The following AFF3 variants were observed in gnomAD, a reference collection of about 807,000 sequenced individuals.
The protein encoded by AFF3 is ALF transcription elongation factor 3.
A neutral mutation model predicts 129.7 loss-of-function variants in AFF3; 32 were observed. The ratio of observed to expected loss-of-function variants is 0.25; its 90% CI spans 0.19 to 0.33. The LOEUF (loss-of-function observed/expected upper bound fraction) is 0.33, where lower values mean the gene tolerates loss of function less well. Ranked by LOEUF, AFF3 falls within the 10% of genes least tolerant of loss-of-function variation. AFF3 has a pLI of 1.00. For missense variants in AFF3, 1,373 were observed against 1,592.0 expected, an observed-to-expected ratio of 0.86 and a Z score of 2.34; for synonymous variants, 644 against 635.4, an observed-to-expected ratio of 1.01 and a Z score of -0.20.
chr2:99,825,062 C>A (rs1687969557), intron 8 of AFF3, among the ~76,000 whole-genome samples: 1 of 152,066 alleles, frequency 6.6e-6, no homozygotes, highest in Non-Finnish European at 1.5e-5. Flanking sequence ...TGCATTTTCC[C>A]AATACTTACA....
rs1188093266 is a variant in AFF3 at position 99,594,154 on chromosome 2, C to T, written c.1507G>A (p.Asp503Asn). Reference protein sequence around the residue: ...SNQYYNPVKEDVQDCGKVPDV... With the variant: ...SNQYYNPVKENVQDCGKVPDV... ...GGGACTTTCCCACAGTCCTGGACGT[C>T]CTCTTTCACCGGGTTGTAGTACTGA... is the stretch of plus-strand genomic sequence containing the variant. The change falls in exon 15 of 25, where the codon GAC becomes AAC. Residue 503 changes from aspartate (D) to asparagine (N), a missense_variant. Asp to Asn is a conservative substitution (Grantham distance 23). Coordinates refer to ENST00000672756, the MANE Select transcript of AFF3 (RefSeq NM_001386135.1). 6 of 1,613,992 alleles carry T rather than the reference C, an allele frequency of 3.7e-6. No individual in the cohort carries two copies. The highest frequency in any genetic ancestry group is 5.1e-6 in the Non-Finnish European group (6 of 1,180,012).
chr2:99,595,652 G>A (rs867389356), intron 14 of AFF3, among the ~76,000 whole-genome samples: 1 of 147,054 alleles, frequency 6.8e-6, no homozygotes, highest in Non-Finnish European at 1.5e-5. Flanking sequence ...CAACAGTGAG[G>A]CCTGTATTAA....
intron 9 of AFF3, among the ~76,000 whole-genome samples, chr2:99,750,153 AAGT>A (rs1410014597): frequency 1.3e-5 from 2 of 152,204 alleles, no homozygotes; most frequent in African/African-American, 4.8e-5. Context: ...GTTTGCAAGA[AAGT>A]AGTTGTATCA....
chr2:99,895,982 T>C (rs958070095), intron 7 of AFF3, among the ~76,000 whole-genome samples: 7 of 145,616 alleles, frequency 4.8e-5, no homozygotes, highest in African/African-American at 1.3e-4. Flanking sequence ...GGCAGGAGAA[T>C]TGCTTGAACC....
chr2:99,769,207 A>G (rs1210535366), intron 8 of AFF3, among the ~76,000 whole-genome samples: 3 of 151,766 alleles, frequency 2.0e-5, no homozygotes, highest in Admixed American at 6.6e-5. Flanking sequence ...GTCTTTGCCG[A>G]TCATACATTT....
chr2:99,726,994 C>T, intron 11 of AFF3, 83 bp downstream of exon 11: 1 of 1,208,242 alleles, frequency 8.3e-7, no homozygotes, highest in East Asian at 2.5e-5. Context: ...ATCATTATTA[C>T]TATTACAAGA....
chr2:99,908,099 ACCT>A (rs1174512757), intron 7 of AFF3, among the ~76,000 whole-genome samples: 2 of 152,008 alleles, frequency 1.3e-5, no homozygotes, highest in Non-Finnish European at 2.9e-5. Flanking sequence ...TGGCTATGTC[ACCT>A]CCTGCCTATT....
chr2:99,638,053 G>A (rs201027961), intron 13 of AFF3, among the ~76,000 whole-genome samples: 1 of 150,966 alleles, frequency 6.6e-6, no homozygotes, highest in Non-Finnish European at 1.5e-5. Flanking sequence ...AGCACAAAGT[G>A]GGATGACAAC....
chr2:100,015,829 T>C (rs549658679), intron 4 of AFF3, among the ~76,000 whole-genome samples: 1 of 152,238 alleles, frequency 6.6e-6, no homozygotes, highest in East Asian at 1.9e-4. Context: ...TGAGTTGTTG[T>C]GGTTGTGATG....
chr2:99,649,477 T>C, intron 13 of AFF3, 149 bp downstream of exon 13: 3 of 840,892 alleles, frequency 3.6e-6, no homozygotes, highest in East Asian at 5.0e-5. Flanking sequence ...ACTCCACACA[T>C]GCATGATAAA....
intron 10 of AFF3, among the ~76,000 whole-genome samples, chr2:99,741,056 G>T (rs1680676792): frequency 6.6e-6 from 1 of 152,086 alleles, no homozygotes; most frequent in Admixed American, 6.5e-5. Flanking sequence ...TATTAAATAG[G>T]GAATCCTTTC....
chr2:100,050,048 C>T (rs1200361996), intron 4 of AFF3, among the ~76,000 whole-genome samples: 1 of 152,006 alleles, frequency 6.6e-6, no homozygotes, highest in Non-Finnish European at 1.5e-5. Flanking sequence ...CCTGTCTCTA[C>T]TAAAAATACA....
At chr2:100,107,413 T>G (rs1691351201) in intron 2 of AFF3, 2 of 985,274 alleles carry the variant, frequency 2.0e-6, no homozygotes, top group African/African-American at 3.5e-5. Flanking sequence ...AAAAAGGGTT[T>G]GGACTTTTGG....
intron 7 of AFF3, among the ~76,000 whole-genome samples, chr2:99,908,584 A>T (rs1035163939): frequency 6.6e-6 from 1 of 152,218 alleles, no homozygotes; most frequent in Non-Finnish European, 1.5e-5. Context: ...TCATCTGACA[A>T]AGGGAATATC....
chr2:99,739,041 G>A (rs1680496834), intron 10 of AFF3, among the ~76,000 whole-genome samples: 2 of 132,456 alleles, frequency 1.5e-5, no homozygotes, highest in African/African-American at 5.5e-5. Flanking sequence ...AAATATTATG[G>A]TACTTTTTGT....
intron 4 of AFF3, among the ~76,000 whole-genome samples, chr2:100,080,437 A>G (rs1688957916): frequency 6.8e-6 from 1 of 146,838 alleles, no homozygotes; most frequent in Admixed American, 6.6e-5. Flanking sequence ...GAAACTAAAA[A>G]CAAACAAACA....
chr2:99,909,449 T>C lies in AFF3; in HGVS notation c.874-71925A>G, dbSNP rs185508952. Among the ~76,000 whole-genome samples the C allele has an allele frequency of 6.4e-3, 786 of 121,922 alleles. 7 individuals are homozygous for C. The highest frequency in any genetic ancestry group is 0.015 in the South Asian group (45 of 2,964). 80.0% of individuals were successfully genotyped at this position (121,922 alleles called of 152,430 possible). A position where few individuals can be genotyped will look rare whatever the true frequency, so the allele number is the denominator to read the frequency against. Reference sequence around the variant, plus strand: ...ATTAGGAGATATACCTAATGCTAAATGACGAGTTACTGGGGGGAGAGGAGA... The same window carrying C: ...ATTAGGAGATATACCTAATGCTAAACGACGAGTTACTGGGGGGAGAGGAGA... On this transcript the variant is annotated intron_variant, in intron 7 of 24. Coordinates refer to ENST00000672756, the MANE Select transcript of AFF3 (RefSeq NM_001386135.1).
chr2:99,782,238 A>G (rs1222112507), intron 8 of AFF3, among the ~76,000 whole-genome samples: 6 of 152,238 alleles, frequency 3.9e-5, no homozygotes, highest in Non-Finnish European at 7.3e-5. Flanking sequence ...GCTTAAAGGT[A>G]GACCCTACCA....
At chr2:99,912,352 G>A (rs1328587187) in intron 7 of AFF3, among the ~76,000 whole-genome samples, 1 of 152,120 alleles carries the variant, frequency 6.6e-6, no homozygotes, top group African/African-American at 2.4e-5. Flanking sequence ...TTGGTAATTT[G>A]CATTGGTAAA....
Sources: gnomAD v4.1 joint callset for allele counts (sites outside exome capture counted in the v4.1 genomes callset) on GRCh38, gnomAD v4.1.1 for gene constraint, MANE v1.5 for transcripts, NCBI Gene and HGNC (gene_info 2026-07-23, HGNC 2026-07-21) for gene names.